Variants in NALCN observed in about 807,000 individuals in gnomAD.
The protein encoded by NALCN is sodium leak channel, non-selective, also known as sodium leak channel NALCN.
A neutral mutation model predicts 225.3 loss-of-function variants in NALCN; 111 were observed. The ratio of observed to expected loss-of-function variants is 0.49; its 90% CI spans 0.42 to 0.58. The LOEUF (loss-of-function observed/expected upper bound fraction) is 0.58, where lower values mean the gene tolerates loss of function less well. Ranked by LOEUF, NALCN falls within the 20% of genes least tolerant of loss-of-function variation. NALCN has a pLI of 0.00. For missense variants in NALCN, 1,378 were observed against 2,202.4 expected (o/e 0.63, Z 7.49); for synonymous variants, 764 against 769.0 (o/e 0.99, Z 0.11).
intron 6 of NALCN, among the ~76,000 whole-genome samples, chr13:101,349,017 AT>A (rs897136837): frequency 1.9e-4 from 29 of 152,058 alleles, no homozygotes; most frequent in African/African-American, 6.0e-4. Context: ...GGTACTTTGG[AT>A]AGAGAACAAG....
intron 31 of NALCN, 35 bp downstream of exon 31, chr13:101,083,676 G>T: frequency 1.3e-6 from 2 of 1,595,778 alleles, no homozygotes; most frequent in Non-Finnish European, 1.7e-6. Context: ...GCACACTAGT[G>T]CCCAACATGA....
In NALCN at chr13:101,061,680, G is replaced by T. The variant is rs182426705; in HGVS notation, c.4755+288C>A. On this transcript the variant is annotated intron_variant, in intron 41 of 43. Transcript: ENST00000251127. The stretch of plus-strand genomic sequence containing the variant: ...ATTACAGGCATGAGCCACCACACCT[G>T]GCCAATAAACTGCTTTTTAAGTCTT... Among the ~76,000 whole-genome samples, 885 of 152,200 alleles carry T rather than the reference G, an allele frequency of 5.8e-3. 1 individual carries two copies. Among genetic ancestry groups the T allele is most frequent in the African/African-American group, 0.021 (854 of 41,526 alleles).
chr13:101,400,755 G>A (rs1332996554), intron 1 of NALCN, among the ~76,000 whole-genome samples: 1 of 151,986 alleles, frequency 6.6e-6, no homozygotes, highest in Non-Finnish European at 1.5e-5. Flanking sequence ...CCTGATATGG[G>A]TTGGCTGTGT....
intron 3 of NALCN, among the ~76,000 whole-genome samples, chr13:101,386,320 T>C (rs1227025091): frequency 6.6e-6 from 1 of 152,182 alleles, no homozygotes; most frequent in Non-Finnish European, 1.5e-5. Flanking sequence ...TTCAGAAATA[T>C]ATTGGATGTT....
intron 15 of NALCN, among the ~76,000 whole-genome samples, chr13:101,151,971 C>A (rs1032311345): frequency 6.6e-6 from 1 of 152,168 alleles, no homozygotes; most frequent in African/African-American, 2.4e-5. Flanking sequence ...GCAACCAAGT[C>A]AAATTAGTGC....
chr13:101,109,567 C>A (rs2035320715), intron 20 of NALCN, among the ~76,000 whole-genome samples: 1 of 152,138 alleles, frequency 6.6e-6, no homozygotes, highest in Non-Finnish European at 1.5e-5. Flanking sequence ...CTCTTGCTAG[C>A]CCTCCTTTCT....
At chr13:101,129,432 G>A (rs1361205693) in intron 17 of NALCN, among the ~76,000 whole-genome samples, 2 of 152,152 alleles carry the variant, frequency 1.3e-5, no homozygotes, top group East Asian at 3.9e-4. Context: ...AGTTTTTCAA[G>A]TTGGTCAGTC....
chr13:101,343,812 G>A (rs907371842), intron 7 of NALCN, among the ~76,000 whole-genome samples: 2 of 152,184 alleles, frequency 1.3e-5, no homozygotes, highest in African/African-American at 2.4e-5. Context: ...AAGTCAGAGT[G>A]AAGAAAGATG....
intron 13 of NALCN, among the ~76,000 whole-genome samples, chr13:101,225,922 C>G (rs1450104396): frequency 1.3e-5 from 2 of 152,112 alleles, no homozygotes; most frequent in Non-Finnish European, 2.9e-5. Flanking sequence ...TCATGGACAT[C>G]TCACAATTAC....
intron 7 of NALCN, among the ~76,000 whole-genome samples, chr13:101,307,883 C>T (rs1265739965): frequency 6.6e-6 from 1 of 152,122 alleles, no homozygotes; most frequent in Non-Finnish European, 1.5e-5. Context: ...ATTTAAAAAG[C>T]AGCAAGATTT....
Position 101,229,488 on chromosome 13 carries a change from C to T in NALCN, c.1531G>A (p.Val511Ile), listed in dbSNP as rs775974517. ...ACAATCAAGAGGCTGGCAGTAAATA[C>T]AACCAAACTCCCAAGCTTTTTTCCA... Reference protein sequence around the residue: ...GPGKKLGSLVVFTASLLIVMS... With the variant: ...GPGKKLGSLVIFTASLLIVMS... Residue 511 changes from valine (V) to isoleucine (I), a missense_variant, in exon 13 of 44, where the codon GTA (valine) becomes ATA (isoleucine). By Grantham distance (29) the Val-to-Ile change is conservative (BLOSUM62 3). Coordinates refer to ENST00000251127, the MANE Select transcript of NALCN (RefSeq NM_052867.4). 3 of 1,612,060 alleles carry T rather than the reference C, an allele frequency of 1.9e-6. No homozygotes were observed. The highest frequency in any genetic ancestry group is 3.4e-5 in the Admixed American group (2 of 59,514).
At chr13:101,176,564 T>A (rs1331772134) in intron 14 of NALCN, among the ~76,000 whole-genome samples, 190 bp from the exon 15 acceptor site, 6 of 152,210 alleles carry the variant, frequency 3.9e-5, no homozygotes, top group Non-Finnish European at 8.8e-5. Flanking sequence ...AATGCATACG[T>A]TCATTGAAAT....
intron 15 of NALCN, among the ~76,000 whole-genome samples, chr13:101,170,381 G>T (rs777141445): frequency 5.3e-5 from 8 of 152,122 alleles, no homozygotes; most frequent in African/African-American, 1.9e-4. Context: ...AGCTTTGGAA[G>T]TGGTTTAACG....
intron 3 of NALCN, among the ~76,000 whole-genome samples, chr13:101,393,837 C>T (rs2139483295): frequency 6.6e-6 from 1 of 152,124 alleles, no homozygotes; most frequent in African/African-American, 2.4e-5. Context: ...ATCAAGTATA[C>T]TATGTAAACC....
rs145008392 is a variant in NALCN at position 101,369,485 on chromosome 13, G to A, written c.644+7215C>T. Reference sequence around the variant, plus strand: ...AGGGTCATGAGTTCAGAAGACATTCGTGTATCTGTTCTCAATTTCTGCGAT... The same window carrying A: ...AGGGTCATGAGTTCAGAAGACATTCATGTATCTGTTCTCAATTTCTGCGAT... On this transcript the variant is annotated intron_variant, in intron 6 of 43. Coordinates refer to ENST00000251127, the MANE Select transcript of NALCN (RefSeq NM_052867.4). Among the ~76,000 whole-genome samples the A allele has an allele frequency of 8.5e-5, 13 of 152,222 alleles. No homozygotes were observed. The East Asian group carries it at 1.2e-3, about 14-fold the overall frequency.
chr13:101,091,563 G>T (rs1454090763), intron 28 of NALCN, among the ~76,000 whole-genome samples: 1 of 127,858 alleles, frequency 7.8e-6, no homozygotes, highest in Non-Finnish European at 1.7e-5. Context: ...TTGGAATTCT[G>T]CTTTATATTT....
chr13:101,242,422 T>C lies in NALCN; in HGVS notation c.1267-4500A>G, dbSNP rs529527157. ...GTTAGACATCAAACCAATGCTTTTT[T>C]CTTATTGCTTCACAACTAAATTGCT... On this transcript the variant is annotated intron_variant, in intron 11 of 43. Coordinates refer to ENST00000251127, the MANE Select transcript of NALCN (RefSeq NM_052867.4). Among the ~76,000 whole-genome samples, 119 of 105,728 alleles carry C rather than the reference T, an allele frequency of 1.1e-3. 40 individuals carry two copies. Among genetic ancestry groups the C allele is most frequent in the African/African-American group, 4.0e-3 (118 of 29,474 alleles). 69.4% of individuals were successfully genotyped at this position (105,728 alleles called of 152,430 possible). A position where few individuals can be genotyped will look rare whatever the true frequency, so the allele number is the denominator to read the frequency against.
intron 37 of NALCN, among the ~76,000 whole-genome samples, chr13:101,073,101 T>C (rs944702799): frequency 6.6e-6 from 1 of 152,160 alleles, no homozygotes; most frequent in Non-Finnish European, 1.5e-5. Flanking sequence ...ACCAGAAGGA[T>C]GATGCTTGGG....
At chr13:101,381,330 A>G (rs2046842883) in intron 3 of NALCN, among the ~76,000 whole-genome samples, 1 of 152,192 alleles carries the variant, frequency 6.6e-6, no homozygotes, top group Non-Finnish European at 1.5e-5. Flanking sequence ...ATATATAACA[A>G]ATAACGTAAG....
Sources: gnomAD v4.1 joint callset for allele counts (sites outside exome capture counted in the v4.1 genomes callset) on GRCh38, gnomAD v4.1.1 for gene constraint, MANE v1.5 for transcripts, NCBI Gene and HGNC (gene_info 2026-07-23, HGNC 2026-07-21) for gene names.